FCRL6: variants seen among roughly 807,000 people sequenced by gnomAD.
FCRL6 encodes the protein Fc receptor-like protein 6.
In FCRL6, 50 loss-of-function variants were observed where a neutral mutation model predicts 49.1. The observed-to-expected ratio is 1.02, with a 90% confidence interval of 0.81 to 1.29. The LOEUF (loss-of-function observed/expected upper bound fraction) is 1.29. Ranked by LOEUF, FCRL6 falls within the 50% of genes most tolerant of loss-of-function variation. FCRL6 has a pLI of 0.00. For missense variants in FCRL6, 571 were observed against 518.5 expected (o/e 1.10, Z -0.98); for synonymous variants, 213 against 199.6 (o/e 1.07, Z -0.57).
chr1:159,813,340 C>A, intron 6 of FCRL6, 149 bp from the exon 7 acceptor site: 1 of 628,554 alleles, frequency 1.6e-6, no homozygotes, highest in Admixed American at 2.8e-5. Context: ...AAAAATCAAC[C>A]ATGTCCAGAC....
chr1:159,812,619 C>T (rs1264811720), intron 6 of FCRL6, among the ~76,000 whole-genome samples: 1 of 152,222 alleles, frequency 6.6e-6, no homozygotes, highest in Non-Finnish European at 1.5e-5. Context: ...AACTGAGGCT[C>T]ATTTCTCAGC....
At chr1:159,813,405 T>G (rs927454150) in intron 6 of FCRL6, 84 bp from the exon 7 acceptor site, 3 of 1,238,004 alleles carry the variant, frequency 2.4e-6, no homozygotes, top group South Asian at 1.2e-5. Flanking sequence ...GGCCTCCTTG[T>G]CATTCTTGCT....
rs569280957 is a variant in FCRL6, at chr1:159,806,487, G to C, written c.32-109G>C. On this transcript the variant is annotated intron_variant, in intron 1 of 9. Coordinates refer to ENST00000368106, the MANE Select transcript of FCRL6 (RefSeq NM_001004310.3). ...TGGGTGGCTAGGAGGTTTGGTGGCC[G>C]GGTGGTTGGTTGAATGGGTGTAAGT... 8.5e-6 allele frequency: 8 copies of C among 936,454 alleles called. 1 individual carries two copies. The highest frequency in any genetic ancestry group is 7.8e-5 in the South Asian group (6 of 77,228). The allele number at this position is 936,454 out of a possible 1,614,324, so 58.0% of individuals were successfully genotyped here.
Position 159,815,685 on chromosome 1 carries a change from A to ACACC in FCRL6, c.*25_*26insACCC. 2.5e-6 allele frequency: 4 copies of ACACC among 1,613,192 alleles called. No homozygotes were observed. The highest frequency in any genetic ancestry group is 3.4e-6 in the Non-Finnish European group (4 of 1,179,852). On this transcript the variant is annotated 3_prime_UTR_variant, in exon 10 of 10. Transcript: ENST00000368106. Reference sequence around the variant, plus strand: ...AGTGATGGTGTTCTCCTATCAACACACGCCCACCCCCAGTCTCCAGTGCTC... The same window carrying ACACC: ...AGTGATGGTGTTCTCCTATCAACACACACCCGCCCACCCCCAGTCTCCAGTGCTC...
At chr1:159,805,777 G>A (rs968499968) in intron 1 of FCRL6, among the ~76,000 whole-genome samples, 3 of 152,130 alleles carry the variant, frequency 2.0e-5, no homozygotes, top group Non-Finnish European at 4.4e-5. Context: ...ACTCTTTCAG[G>A]GGACTTATCC....
chr1:159,808,241 G>C lies in FCRL6; in HGVS notation c.116G>C (p.Cys39Ser), dbSNP rs1225011194. The C allele has an allele frequency of 6.2e-7, 1 of 1,613,670 alleles. No homozygotes were observed. Among genetic ancestry groups the C allele is most frequent in the Non-Finnish European group, 8.5e-7 (1 of 1,179,492 alleles). Residue 39 changes from cysteine to serine, a missense_variant, in exon 3 of 10, where the codon TGT becomes TCT. Cys to Ser is a moderately radical substitution (Grantham distance 112). Coordinates refer to ENST00000368106, the MANE Select transcript of FCRL6 (RefSeq NM_001004310.3). The part of the protein sequence containing the change: ...VFEGDALTLR[C>S]QGWKNTPLSQ... The stretch of plus-strand genomic sequence containing the variant: ...GAAGGAGATGCCCTGACTCTGCGAT[G>C]TCAGGGATGGAAGAATACACCACTG...
At chr1:159,806,250 G>C (rs1055302103) in intron 1 of FCRL6, among the ~76,000 whole-genome samples, 1 of 152,210 alleles carries the variant, frequency 6.6e-6, no homozygotes. Flanking sequence ...GGAGTCCCAG[G>C]GAAGACCTGT....
At chr1:159,814,480 A>T (rs1171681555) in intron 8 of FCRL6, among the ~76,000 whole-genome samples, 188 bp downstream of exon 8, 2 of 151,964 alleles carry the variant, frequency 1.3e-5, no homozygotes, top group Non-Finnish European at 2.9e-5. Context: ...CTTCACCTTC[A>T]CACCATCATC....
chr1:159,808,910 G>A (rs770029254), intron 3 of FCRL6, 51 bp from the exon 4 acceptor site: 8 of 1,515,176 alleles, frequency 5.3e-6, no homozygotes, highest in Non-Finnish European at 6.2e-6. Flanking sequence ...GCCTCCTGGG[G>A]CTTCATCATC....
At chr1:159,800,801 C>T (rs1571079640), upstream of FCRL6, among the ~76,000 whole-genome samples, 2 of 152,280 alleles carry the variant, frequency 1.3e-5, no homozygotes, top group East Asian at 3.9e-4. Flanking sequence ...CAGCAATAGG[C>T]ACATCAAATT....
chr1:159,801,112 T>A (rs565860097), upstream of FCRL6, among the ~76,000 whole-genome samples: 1 of 152,386 alleles, frequency 6.6e-6, no homozygotes, highest in South Asian at 2.1e-4. Context: ...AACTCCCATG[T>A]TCTGTCCACA....
Position 159,809,595 on chromosome 1 carries a change from G to T in FCRL6, c.798G>T (p.Lys266Asn). 1 of 1,614,206 alleles carries T rather than the reference G, an allele frequency of 6.2e-7. No individual in the cohort carries two copies. Among genetic ancestry groups the T allele is most frequent in the Non-Finnish European group, 8.5e-7 (1 of 1,180,014 alleles). The change falls in exon 5 of 10, where the codon AAG becomes AAT. Residue 266 changes from lysine (K) to asparagine (N), a missense_variant. Physicochemically the swap from Lys to Asn is moderately conservative, Grantham distance 94. Coordinates refer to ENST00000368106, the MANE Select transcript of FCRL6 (RefSeq NM_001004310.3). ...GGTTSLLFPV[K>N]SEQDAGNYSC... is the part of the protein sequence containing the mutation. Reference sequence around the variant, plus strand: ...CCACCTCCCTCCTCTTCCCAGTGAAGTCAGAACAGGATGCTGGGAACTACT... The same window carrying T: ...CCACCTCCCTCCTCTTCCCAGTGAATTCAGAACAGGATGCTGGGAACTACT...
Position 159,808,946 on chromosome 1 carries a change from C to T in FCRL6, c.320-15C>T, listed in dbSNP as rs1163358667. The stretch of plus-strand genomic sequence containing the variant: ...CAGGACTCCCCTCCTGAGTCCTGGG[C>T]CTGCATCTCCCCAGAGCTGTTTCCA... On this transcript the variant is annotated splice_polypyrimidine_tract_variant and intron_variant, in intron 3 of 9. Coordinates refer to ENST00000368106, the MANE Select transcript of FCRL6 (RefSeq NM_001004310.3). 1 of 1,577,936 alleles carries T rather than the reference C, an allele frequency of 6.3e-7. No individual in the cohort carries two copies. The highest frequency in any genetic ancestry group is 8.6e-7 in the Non-Finnish European group (1 of 1,161,274).
chr1:159,813,564 T>TGG lies in FCRL6; in HGVS notation c.1075+10_1075+11insGG, dbSNP rs1663209916. ...CCACTATATGCCAACGGTAAGGACT[T>TGG]CCAGCAGGATGGTGGTGTGCCCATG... On this transcript the variant is annotated intron_variant, in intron 7 of 9. Coordinates refer to ENST00000368106, the MANE Select transcript of FCRL6 (RefSeq NM_001004310.3). The TGG allele has an allele frequency of 6.2e-7, 1 of 1,613,180 alleles. No homozygotes were observed. Among genetic ancestry groups the TGG allele is most frequent in the Non-Finnish European group, 8.5e-7 (1 of 1,179,238 alleles).
chr1:159,816,004 C>A lies in FCRL6; in HGVS notation c.*343C>A, dbSNP rs994677485. 1 of 265,110 alleles carries A rather than the reference C, an allele frequency of 3.8e-6. No homozygotes were observed. The highest frequency in any genetic ancestry group is 4.4e-5 in the Admixed American group (1 of 22,680). The allele number at this position is 265,110 out of a possible 1,614,324, so 16.4% of individuals were successfully genotyped here. ...GAAATAGTCATGTGCCGCATAACAACATTTCAGTCAGTGATAGACTGCATA... is the reference window on the plus strand; with the variant it reads ...GAAATAGTCATGTGCCGCATAACAAAATTTCAGTCAGTGATAGACTGCATA... On this transcript the variant is annotated 3_prime_UTR_variant, in exon 10 of 10. Coordinates refer to ENST00000368106, the MANE Select transcript of FCRL6 (RefSeq NM_001004310.3).
intron 1 of FCRL6, among the ~76,000 whole-genome samples, chr1:159,804,522 G>C (rs1370288325): frequency 2.0e-5 from 3 of 152,210 alleles, no homozygotes; most frequent in African/African-American, 7.2e-5. Flanking sequence ...TCATGATACT[G>C]TCACCTCATC....
chr1:159,809,166 T>C lies in FCRL6; in HGVS notation c.525T>C (p.Ser175=). Reference sequence around the variant, plus strand: ...TCCCGGGAGCCAAGGAGGGAGACTCTGGGCTTTACTGGTGTGAGGTGGCCC... The same window carrying C: ...TCCCGGGAGCCAAGGAGGGAGACTCCGGGCTTTACTGGTGTGAGGTGGCCC... The part of the protein sequence containing the change: ...LCIPGAKEGD[S]GLYWCEVAPE... Residue 175 remains serine, a synonymous_variant, in exon 4 of 10, where the codon TCT becomes TCC. Transcript: ENST00000368106. 1 of 1,613,164 alleles carries C rather than the reference T, an allele frequency of 6.2e-7. No homozygotes were observed.
intron 6 of FCRL6, 41 bp downstream of exon 6, chr1:159,810,257 G>A (rs781237149): frequency 2.0e-5 from 32 of 1,591,456 alleles, no homozygotes; most frequent in Non-Finnish European, 2.7e-5. Context: ...CTGAATCCCT[G>A]TGCCAGGCCC....
In FCRL6 at chr1:159,812,456, A is replaced by C. The variant is rs969759403; in HGVS notation, c.1010-1033A>C. Among the ~76,000 whole-genome samples, 4 of 152,240 alleles carry C rather than the reference A, an allele frequency of 2.6e-5. No homozygotes were observed. The East Asian group carries it at 7.7e-4, about 29-fold the overall frequency. ...GTGTTACTGGAACAAGGATATGGTC[A>C]TGCAAGGGGTCCACTTCAAAGTAGC... On this transcript the variant is annotated intron_variant, in intron 6 of 9. Transcript: ENST00000368106.
Sources: gnomAD v4.1 joint callset for allele counts (sites outside exome capture counted in the v4.1 genomes callset) on GRCh38, gnomAD v4.1.1 for gene constraint, MANE v1.5 for transcripts, NCBI Gene and HGNC (gene_info 2026-07-23, HGNC 2026-07-21) for gene names.